The following ASIC2 variants were observed in gnomAD, a reference collection of about 807,000 sequenced individuals.
The protein encoded by ASIC2 is acid-sensing ion channel 2.
Under a neutral mutation model 57.3 loss-of-function variants are expected in ASIC2, and 25 were observed. The ratio of observed to expected loss-of-function variants is 0.44; its 90% confidence interval spans 0.32 to 0.61. The LOEUF (loss-of-function observed/expected upper bound fraction) is 0.61, where lower values mean the gene tolerates loss of function less well. Among genes scored for constraint, ASIC2 ranks in the 20% least tolerant of loss-of-function variants. The pLI, the probability that ASIC2 is intolerant of heterozygous loss-of-function variation, is 0.06. For synonymous variants in ASIC2, 319 were observed against 307.5 expected (o/e 1.04, Z -0.39); for missense variants, 641 against 738.1 (o/e 0.87, Z 1.52).
chr17:33,724,783 T>C (rs1429097954), intron 1 of ASIC2, among the ~76,000 whole-genome samples: 2 of 152,100 alleles, frequency 1.3e-5, no homozygotes, highest in African/African-American at 2.4e-5. Context: ...GGTTGACTAA[T>C]TGAGTTTGTA....
At chr17:33,218,423 C>T (rs1907576114) in intron 1 of ASIC2, among the ~76,000 whole-genome samples, 1 of 152,224 alleles carries the variant, frequency 6.6e-6, no homozygotes, top group Non-Finnish European at 1.5e-5. Flanking sequence ...GAGCCCAGTG[C>T]CCGGCACAGT....
intron 1 of ASIC2, among the ~76,000 whole-genome samples, chr17:33,865,330 C>T (rs1248104402): frequency 6.6e-6 from 1 of 152,212 alleles, no homozygotes; most frequent in African/African-American, 2.4e-5. Flanking sequence ...AGAATTACGA[C>T]CCTGTTTCCT....
At chr17:33,888,433 C>A (rs1914881858) in intron 1 of ASIC2, among the ~76,000 whole-genome samples, 1 of 152,160 alleles carries the variant, frequency 6.6e-6, no homozygotes, top group African/African-American at 2.4e-5. Flanking sequence ...GTGGTGGAAG[C>A]TGTTCTCCAC....
intron 1 of ASIC2, among the ~76,000 whole-genome samples, chr17:33,904,177 A>AT: frequency 6.6e-6 from 1 of 151,178 alleles, no homozygotes; most frequent in Non-Finnish European, 1.5e-5. Context: ...AAAAAAAAAA[A>AT]AAAAAAAAAA....
At chr17:33,771,856 T>G (rs1040106735) in intron 1 of ASIC2, among the ~76,000 whole-genome samples, 11 of 152,242 alleles carry the variant, frequency 7.2e-5, no homozygotes, top group Non-Finnish European at 1.2e-4. Flanking sequence ...AGTTATCTTG[T>G]TTTTCTGTTG....
chr17:33,826,308 C>T (rs955677501), intron 1 of ASIC2, among the ~76,000 whole-genome samples: 13 of 152,284 alleles, frequency 8.5e-5, no homozygotes, highest in Non-Finnish European at 1.9e-4. Flanking sequence ...TTGTGTTTTG[C>T]CACCTTCATG....
chr17:33,169,733 G>T (rs966193216), intron 1 of ASIC2, among the ~76,000 whole-genome samples: 1 of 152,192 alleles, frequency 6.6e-6, no homozygotes, highest in Non-Finnish European at 1.5e-5. Context: ...CCCCTGCTGA[G>T]TCTCACATCC....
intron 1 of ASIC2, among the ~76,000 whole-genome samples, chr17:34,133,398 C>T (rs4795869): frequency 0.25 from 37,389 of 152,160 alleles, 4,740 homozygotes; most frequent in South Asian, 0.36. Flanking sequence ...AGCTACACCC[C>T]TGGGAATCCC....
intron 1 of ASIC2, among the ~76,000 whole-genome samples, chr17:33,842,442 A>G (rs908981216): frequency 4.6e-5 from 7 of 152,202 alleles, no homozygotes; most frequent in Non-Finnish European, 1.0e-4. Flanking sequence ...TGTTTATCCA[A>G]CACTTGGAAT....
chr17:33,319,143 T>C (rs551016141), intron 1 of ASIC2, among the ~76,000 whole-genome samples: 56 of 152,224 alleles, frequency 3.7e-4, no homozygotes, highest in African/African-American at 1.2e-3. Context: ...GGCACGAGAA[T>C]CACTTGAACC....
At position 34,124,073 on chromosome 17, in the gene ASIC2, C is replaced by A. The variant is rs114747608; in HGVS notation, c.555+31905G>T. 8.8e-3 allele frequency among the ~76,000 whole-genome samples: 1,344 copies of A among 152,150 alleles called. 23 individuals are homozygous for A. The highest frequency in any genetic ancestry group is 0.03 in the African/African-American group (1,262 of 41,476). On this transcript the variant is annotated intron_variant, in intron 1 of 9. Transcript: ENST00000359872. ...TCCCGCCTGGGTGACAGAAGTGAAA[C>A]CCTGCTTCAAAAATGAATAAATAAA...
At chr17:33,760,164 CA>C (rs35440192) in intron 1 of ASIC2, among the ~76,000 whole-genome samples, 51,218 of 149,398 alleles carry the variant, frequency 0.34, 10,640 homozygotes, top group Non-Finnish European at 0.49. Flanking sequence ...TATAATGACT[CA>C]AAAAAAAATG....
intron 3 of ASIC2, among the ~76,000 whole-genome samples, chr17:33,048,976 G>A (rs2091965292): frequency 6.6e-6 from 1 of 152,244 alleles, no homozygotes; most frequent in South Asian, 2.1e-4. Context: ...TCAACCAAGT[G>A]ACATCAGTGT....
chr17:33,495,570 T>C (rs527878847), intron 1 of ASIC2, among the ~76,000 whole-genome samples: 3 of 152,330 alleles, frequency 2.0e-5, no homozygotes, highest in South Asian at 4.1e-4. Flanking sequence ...CTGTTTCCTA[T>C]TGAGTTGGGG....
chr17:33,079,510 G>A (rs2141956870), intron 3 of ASIC2, among the ~76,000 whole-genome samples: 1 of 152,236 alleles, frequency 6.6e-6, no homozygotes, highest in Non-Finnish European at 1.5e-5. Context: ...AGACTGGAGA[G>A]GTCTGTGAAG....
intron 1 of ASIC2, among the ~76,000 whole-genome samples, chr17:33,709,250 A>G (rs2142074773): frequency 6.6e-6 from 1 of 152,352 alleles, no homozygotes; most frequent in Non-Finnish European, 1.5e-5. Flanking sequence ...AAAGTGTTAT[A>G]TGCCTCCTGC....
intron 1 of ASIC2, among the ~76,000 whole-genome samples, chr17:34,143,616 A>T (rs140004799): frequency 2.2e-3 from 335 of 152,272 alleles, no homozygotes; most frequent in African/African-American, 7.8e-3. Context: ...CTTTTGATGA[A>T]TATTCAGGTG....
chr17:34,025,033 C>T (rs1907322299), intron 1 of ASIC2, among the ~76,000 whole-genome samples: 1 of 152,224 alleles, frequency 6.6e-6, no homozygotes, highest in Non-Finnish European at 1.5e-5. Flanking sequence ...CAGTGGACAG[C>T]ACTTTGTTGT....
chr17:33,420,238 G>A (rs982282123), intron 1 of ASIC2, among the ~76,000 whole-genome samples: 2 of 152,204 alleles, frequency 1.3e-5, no homozygotes, highest in South Asian at 2.1e-4. Flanking sequence ...AGCCCACTTT[G>A]GGGAGGAAGT....
Sources: allele counts gnomAD v4.1 joint callset (sites outside exome capture counted in the v4.1 genomes callset), GRCh38; gene constraint gnomAD v4.1.1; transcripts MANE v1.5; gene names NCBI Gene and HGNC (gene_info 2026-07-23, HGNC 2026-07-21).